Variants in TCAF2 observed in about 807,000 individuals in gnomAD.
The protein encoded by TCAF2 is TRPM8 channel-associated factor 2.
Under a neutral mutation model 33.9 loss-of-function variants are expected in TCAF2, and 6 were observed. The observed-to-expected ratio is 0.18, with a 90% CI of 0.10 to 0.35. The LOEUF is 0.35. Ranked by LOEUF, TCAF2 falls within the 10% of genes least tolerant of loss-of-function variation. The probability of loss-of-function intolerance (pLI) is 1.00; values close to 1 mark genes in which losing one functional copy is unlikely to be tolerated. For synonymous variants in TCAF2, 41 were observed against 247.8 expected (o/e 0.17, Z 7.84); for missense variants, 109 against 604.0 (o/e 0.18, Z 8.59).
At position 143,729,672 on chromosome 7, in the gene TCAF2, C is replaced by A. The variant is rs1161676407; in HGVS notation, c.*2005C>A. On this transcript the variant is annotated 3_prime_UTR_variant, in exon 8 of 8. Transcript: ENST00000684770. ...GGTTTGTTACATAGGTATACATGTG[C>A]CATGGTGGTTTGCTGCACCTATCAA... 6.6e-6 allele frequency: 1 copy of A among 151,890 alleles called. No homozygotes were observed. The highest frequency in any genetic ancestry group is 2.4e-5 in the African/African-American group (1 of 41,296). 9.4% of individuals were successfully genotyped at this position (151,890 alleles called of 1,614,324 possible).
chr7:143,642,989 GA>G (rs1482373912), intron 1 of TCAF2: 6 of 451,606 alleles, frequency 1.3e-5, no homozygotes, highest in Non-Finnish European at 2.3e-5. Context: ...TGGGAACACA[GA>G]AGGAAGAGAT....
In TCAF2 at chr7:143,720,970, G is replaced by C. The variant is rs1237148445; in HGVS notation, c.1615+296G>C. 6.3e-6 allele frequency: 2 copies of C among 317,624 alleles called. 1 individual carries two copies. The highest frequency in any genetic ancestry group is 1.1e-5 in the Non-Finnish European group (2 of 176,696). 19.7% of individuals were successfully genotyped at this position (317,624 alleles called of 1,614,324 possible). A position where few individuals can be genotyped will look rare whatever the true frequency, so the allele number is the denominator to read the frequency against. ...AATTTTTGTATTTTTAGTAGAGAGG[G>C]AGTTTCACCGTAAAGGTAAGGCTGG... On this transcript the variant is annotated intron_variant, in intron 3 of 7. Transcript: ENST00000684770.
chr7:143,724,811 C>A (rs1809634526), intron 7 of TCAF2, 114 bp downstream of exon 7: 10 of 1,574,562 alleles, frequency 6.4e-6, no homozygotes, highest in Non-Finnish European at 7.7e-6. Context: ...GGACCTCCAC[C>A]TCCCCTGGAA....
At position 143,724,558 on chromosome 7, in the gene TCAF2, C is replaced by G. The variant is rs375955716; in HGVS notation, c.2366C>G (p.Thr789Arg). Reference protein sequence around the residue: ...CNLWSVYVHETVLGIPRAQAH... With the variant: ...CNLWSVYVHERVLGIPRAQAH... ...CTTTGGTCAGTCTACGTGCATGAAA[C>G]AGTCCTGGGGATCCCCAGGGCTCAG... The change falls in exon 7 of 8, where the codon ACA (threonine) becomes AGA (arginine). Residue 789 changes from threonine to arginine, a missense_variant. Transcript: ENST00000684770. 2.9e-5 allele frequency: 47 copies of G among 1,610,844 alleles called. No individual in the cohort carries two copies. The highest frequency in any genetic ancestry group is 3.8e-5 in the Non-Finnish European group (45 of 1,179,496).
intron 4 of TCAF2, among the ~76,000 whole-genome samples, chr7:143,721,850 CTCT>C (rs1387267599): frequency 6.9e-6 from 1 of 144,444 alleles, no homozygotes; most frequent in African/African-American, 2.7e-5. Context: ...GGGCAGTTAC[CTCT>C]TCATGCCTCC....
rs1340314146 is a variant in TCAF2, at chr7:143,622,572, AC to A, written c.-12+1553del. Among the ~76,000 whole-genome samples the A allele has an allele frequency of 2.0e-3, 73 of 35,878 alleles. 6 individuals carry two copies. Among genetic ancestry groups the A allele is most frequent in the African/African-American group, 5.2e-3 (69 of 13,326 alleles). 23.5% of individuals were successfully genotyped at this position (35,878 alleles called of 152,430 possible). A position where few individuals can be genotyped will look rare whatever the true frequency, so the allele number is the denominator to read the frequency against. On this transcript the variant is annotated intron_variant, in intron 1 of 7. Coordinates refer to ENST00000684770, the MANE Select transcript of TCAF2 (RefSeq NM_001363538.2). ...CATATTCTTTGCTTTATTTTATTTT[AC>A]TTTACTTTATTTTATTTTATTTTAT...
rs929122337 is a variant in TCAF2 at position 143,712,497 on chromosome 7, C to T, written c.624-7186C>T. Among the ~76,000 whole-genome samples, 5 of 101,442 alleles carry T rather than the reference C, an allele frequency of 4.9e-5. 1 individual carries two copies. Among genetic ancestry groups the T allele is most frequent in the African/African-American group, 1.6e-4 (5 of 31,446 alleles). 66.5% of individuals were successfully genotyped at this position (101,442 alleles called of 152,430 possible). The stretch of plus-strand genomic sequence containing the variant: ...TGTGCTATAATTGCACCTGCAAATA[C>T]GCATTGCACTCCAGCCTGAGCAACA... On this transcript the variant is annotated intron_variant, in intron 2 of 7. Transcript: ENST00000684770.
rs565125754 is a variant in TCAF2 at position 143,721,043 on chromosome 7, G to A, written c.1616-238G>A. 66 of 334,396 alleles carry A rather than the reference G, an allele frequency of 2.0e-4. 11 individuals are homozygous for A. The East Asian group carries it at 3.3e-3, about 17-fold the overall frequency. 20.7% of individuals were successfully genotyped at this position (334,396 alleles called of 1,614,324 possible). ...GATCCACCTGCCTCGGCCTCCCAAAGTGCTGGGATTACAGTCGTGAGCCAC... is the reference window on the plus strand; with the variant it reads ...GATCCACCTGCCTCGGCCTCCCAAAATGCTGGGATTACAGTCGTGAGCCAC... On this transcript the variant is annotated intron_variant, in intron 3 of 7. Coordinates refer to ENST00000684770, the MANE Select transcript of TCAF2 (RefSeq NM_001363538.2).
rs1809758880 is a variant in TCAF2 at position 143,729,351 on chromosome 7, T to C, written c.*1684T>C. ...GCAATGAAAACATTGTGGAACTTAT[T>C]CTTCATGAATGGTTTACAATTTAAA... is the stretch of plus-strand genomic sequence containing the variant. On this transcript the variant is annotated 3_prime_UTR_variant, in exon 8 of 8. Coordinates refer to ENST00000684770, the MANE Select transcript of TCAF2 (RefSeq NM_001363538.2). The C allele has an allele frequency of 1.3e-5, 2 of 152,208 alleles. No homozygotes were observed. Among genetic ancestry groups the C allele is most frequent in the South Asian group, 4.1e-4 (2 of 4,828 alleles). 9.4% of individuals were successfully genotyped at this position (152,208 alleles called of 1,614,324 possible). A position where few individuals can be genotyped will look rare whatever the true frequency, so the allele number is the denominator to read the frequency against.
chr7:143,703,381 T>TTGATACA lies in TCAF2; in HGVS notation c.387_388insTGATACA (p.Ala130Ter). ...AGCCCCTAGGGGTTTACTGTATCAA[T>TTGATACA]GCCTACAATGACACCTTGACTGCAA... On this transcript the variant is annotated stop_gained and frameshift_variant, in exon 2 of 8. Transcript: ENST00000684770. LOFTEE classifies it high-confidence loss of function. 1 of 412,924 alleles carries TTGATACA rather than the reference T, an allele frequency of 2.4e-6. No individual in the cohort carries two copies. Among genetic ancestry groups the TTGATACA allele is most frequent in the Non-Finnish European group, 3.4e-6 (1 of 290,186 alleles). 25.6% of individuals were successfully genotyped at this position (412,924 alleles called of 1,614,324 possible). A position where few individuals can be genotyped will look rare whatever the true frequency, so the allele number is the denominator to read the frequency against.
intron 1 of TCAF2, among the ~76,000 whole-genome samples, chr7:143,634,758 G>T (rs1808899535): frequency 3.4e-5 from 1 of 29,304 alleles, no homozygotes; most frequent in Non-Finnish European, 6.9e-5. Context: ...GTATTTACCA[G>T]CTTAAAATAA....
intron 4 of TCAF2, among the ~76,000 whole-genome samples, 162 bp downstream of exon 4, chr7:143,721,540 G>A (rs1481858474): frequency 1.2e-5 from 1 of 83,256 alleles, no homozygotes; most frequent in Non-Finnish European, 2.4e-5. Context: ...AAATTTCAGG[G>A]CATCTAAGTG....
intron 2 of TCAF2, among the ~76,000 whole-genome samples, chr7:143,718,327 C>A (rs1173701642): frequency 7.1e-6 from 1 of 140,180 alleles, no homozygotes; most frequent in African/African-American, 2.6e-5. Context: ...CCAGCCAAGA[C>A]GACCACTGAA....
chr7:143,634,916 T>C (rs1368992391), intron 1 of TCAF2, among the ~76,000 whole-genome samples: 3 of 138,782 alleles, frequency 2.2e-5, no homozygotes, highest in Non-Finnish European at 4.6e-5. Context: ...AAAAAAAAGA[T>C]ACTCAAGTGT....
At chr7:143,718,234 T>G (rs1809388258) in intron 2 of TCAF2, among the ~76,000 whole-genome samples, 1 of 100,552 alleles carries the variant, frequency 9.9e-6, no homozygotes, top group Non-Finnish European at 2.1e-5. Context: ...ATTTAATTTT[T>G]AATTATAAGA....
At position 143,729,760 on chromosome 7, in the gene TCAF2, T is replaced by C. The variant is rs1809772518; in HGVS notation, c.*2093T>C. On this transcript the variant is annotated 3_prime_UTR_variant, in exon 8 of 8. Transcript: ENST00000684770. The stretch of plus-strand genomic sequence containing the variant: ...ATTTGTCCTAATGCTCTCCCTCCCA[T>C]TGCCCCCAACCTCCCGACAGGCCCC... 1 of 152,112 alleles carries C rather than the reference T, an allele frequency of 6.6e-6. No individual in the cohort carries two copies. Among genetic ancestry groups the C allele is most frequent in the Non-Finnish European group, 1.5e-5 (1 of 68,006 alleles). 9.4% of individuals were successfully genotyped at this position (152,112 alleles called of 1,614,324 possible). A position where few individuals can be genotyped will look rare whatever the true frequency, so the allele number is the denominator to read the frequency against.
Position 143,730,229 on chromosome 7 carries a change from G to A in TCAF2, c.*2562G>A, listed in dbSNP as rs922431370. ...ACTAATTTACACTCCCAACAACAGT[G>A]TAAAAGCATTCCTGTTTCTCCACAG... On this transcript the variant is annotated 3_prime_UTR_variant, in exon 8 of 8. Coordinates refer to ENST00000684770, the MANE Select transcript of TCAF2 (RefSeq NM_001363538.2). The A allele has an allele frequency of 1.3e-5, 2 of 152,282 alleles. No homozygotes were observed. Among genetic ancestry groups the A allele is most frequent in the South Asian group, 2.1e-4 (1 of 4,826 alleles). The allele number at this position is 152,282 out of a possible 1,614,324, so 9.4% of individuals were successfully genotyped here. A position where few individuals can be genotyped will look rare whatever the true frequency, so the allele number is the denominator to read the frequency against.
At chr7:143,647,919 T>G (rs1262430085) in intron 1 of TCAF2, among the ~76,000 whole-genome samples, 2 of 144,570 alleles carry the variant, frequency 1.4e-5, no homozygotes, top group African/African-American at 5.0e-5. Flanking sequence ...CTTTTCTTTC[T>G]TTCTTTCTTT....
At position 143,729,953 on chromosome 7, in the gene TCAF2, G is replaced by T. The variant is rs1809776467; in HGVS notation, c.*2286G>T. On this transcript the variant is annotated 3_prime_UTR_variant, in exon 8 of 8. Transcript: ENST00000684770. ...AGGACATGAACTCATTCTTTTTCAT[G>T]GCTGCATGGTATTCAATGGTATATA... The T allele has an allele frequency of 6.6e-6, 1 of 152,026 alleles. No individual in the cohort carries two copies. Among genetic ancestry groups the T allele is most frequent in the South Asian group, 2.1e-4 (1 of 4,820 alleles). The allele number at this position is 152,026 out of a possible 1,614,324, so 9.4% of individuals were successfully genotyped here.
Sources: gnomAD v4.1 joint callset for allele counts (sites outside exome capture counted in the v4.1 genomes callset) on GRCh38, gnomAD v4.1.1 for gene constraint, MANE v1.5 for transcripts, NCBI Gene and HGNC (gene_info 2026-07-23, HGNC 2026-07-21) for gene names.